C8orf34: variants seen among roughly 807,000 people sequenced by gnomAD.
C8orf34 encodes uncharacterized protein C8orf34.
In C8orf34, 65 loss-of-function variants were observed where a neutral mutation model predicts 68.3. The ratio of observed to expected loss-of-function variants is 0.95; its 90% CI spans 0.78 to 1.17. C8orf34 has a LOEUF of 1.17. Ranked by LOEUF, C8orf34 falls within the 50% of genes most tolerant of loss-of-function variation. C8orf34 has a pLI of 0.00. For synonymous variants in C8orf34, 244 were observed against 241.2 expected, an observed-to-expected ratio of 1.01 and a Z score of -0.11; for missense variants, 664 against 655.4, an observed-to-expected ratio of 1.01 and a Z score of -0.14.
intron 3 of C8orf34, among the ~76,000 whole-genome samples, chr8:68,451,340 T>C (rs1263371388): frequency 1.3e-5 from 2 of 152,188 alleles, no homozygotes; most frequent in African/African-American, 2.4e-5. Flanking sequence ...ATAGCACTTA[T>C]AATTTTCTTC....
At chr8:68,815,359 T>C (rs537495580) in intron 12 of C8orf34, among the ~76,000 whole-genome samples, 6 of 152,234 alleles carry the variant, frequency 3.9e-5, no homozygotes, top group Non-Finnish European at 7.4e-5. Flanking sequence ...CACACATATA[T>C]ATATATACAC....
chr8:68,649,711 G>A (rs1405302939), intron 8 of C8orf34, among the ~76,000 whole-genome samples: 1 of 151,998 alleles, frequency 6.6e-6, no homozygotes, highest in Non-Finnish European at 1.5e-5. Context: ...GGGGAGGGAG[G>A]GCCTTTTATG....
At chr8:68,460,226 C>T (rs1011925089) in intron 3 of C8orf34, among the ~76,000 whole-genome samples, 60 of 152,284 alleles carry the variant, frequency 3.9e-4, no homozygotes, top group African/African-American at 6.7e-4. Context: ...AAGGCAGCAG[C>T]GAGGCTGGGG....
chr8:68,523,686 C>G (rs1814852664), intron 6 of C8orf34, among the ~76,000 whole-genome samples: 1 of 151,886 alleles, frequency 6.6e-6, no homozygotes, highest in African/African-American at 2.4e-5. Flanking sequence ...TCTCCATCTT[C>G]TAATACAAAA....
intron 10 of C8orf34, among the ~76,000 whole-genome samples, chr8:68,752,298 C>T (rs1585830061): frequency 6.6e-6 from 1 of 152,156 alleles, no homozygotes; most frequent in South Asian, 2.1e-4. Context: ...GAGCCAACAA[C>T]TCCTTAAACT....
At chr8:68,366,791 A>T (rs2129619597) in intron 1 of C8orf34, among the ~76,000 whole-genome samples, 1 of 147,652 alleles carries the variant, frequency 6.8e-6, no homozygotes, top group Non-Finnish European at 1.5e-5. Context: ...AAACCATAAA[A>T]ACCCTAGAAG....
chr8:68,672,071 G>T (rs1035238088), intron 8 of C8orf34, among the ~76,000 whole-genome samples: 4 of 152,148 alleles, frequency 2.6e-5, no homozygotes, highest in African/African-American at 4.8e-5. Flanking sequence ...AATACCCAGA[G>T]AAAGGAGTAG....
intron 7 of C8orf34, among the ~76,000 whole-genome samples, chr8:68,619,723 T>C (rs1818331820): frequency 6.6e-6 from 1 of 152,162 alleles, no homozygotes; most frequent in Non-Finnish European, 1.5e-5. Context: ...TTTGGAATTT[T>C]CCTAATTCCA....
intron 3 of C8orf34, among the ~76,000 whole-genome samples, chr8:68,448,304 T>C (rs1811204561): frequency 6.6e-6 from 1 of 152,138 alleles, no homozygotes; most frequent in South Asian, 2.1e-4. Flanking sequence ...CACTAGACTG[T>C]TACCAAGCTT....
intron 10 of C8orf34, among the ~76,000 whole-genome samples, chr8:68,758,210 C>T (rs10110245): frequency 0.44 from 67,343 of 152,082 alleles, 16,192 homozygotes; most frequent in African/African-American, 0.63. Flanking sequence ...GCTAGGACAG[C>T]AGCAAAGAAG....
At chr8:68,591,958 C>T (rs572623336) in intron 7 of C8orf34, among the ~76,000 whole-genome samples, 2 of 152,186 alleles carry the variant, frequency 1.3e-5, no homozygotes, top group South Asian at 4.1e-4. Flanking sequence ...TATATATGCA[C>T]TGGGTGACAT....
chr8:68,669,430 A>G (rs1819941293), intron 8 of C8orf34, among the ~76,000 whole-genome samples: 1 of 152,216 alleles, frequency 6.6e-6, no homozygotes, highest in African/African-American at 2.4e-5. Context: ...ATTAGTAACA[A>G]CATATTCATA....
chr8:68,683,064 A>G (rs1202182779), intron 8 of C8orf34, among the ~76,000 whole-genome samples: 3 of 151,934 alleles, frequency 2.0e-5, no homozygotes, highest in Non-Finnish European at 2.9e-5. Context: ...TAAGCTTTTG[A>G]GTTTCGTCAT....
intron 5 of C8orf34, among the ~76,000 whole-genome samples, chr8:68,510,899 G>A (rs74830774): frequency 0.06 from 9,107 of 152,054 alleles, 288 homozygotes; most frequent in Middle Eastern, 0.12. Flanking sequence ...GGATCTCCTC[G>A]GCCTGTTAGA....
intron 8 of C8orf34, among the ~76,000 whole-genome samples, chr8:68,708,471 G>C (rs1351569397): frequency 3.9e-5 from 6 of 152,190 alleles, no homozygotes; most frequent in Non-Finnish European, 8.8e-5. Context: ...AGAAGGCTCA[G>C]TGTCTATGAG....
intron 10 of C8orf34, among the ~76,000 whole-genome samples, chr8:68,738,914 G>T (rs756509647): frequency 1.3e-4 from 20 of 151,932 alleles, no homozygotes; most frequent in Non-Finnish European, 2.8e-4. Context: ...ATGAGGAGGG[G>T]CTCCTCCCTA....
intron 8 of C8orf34, among the ~76,000 whole-genome samples, chr8:68,660,908 GA>G (rs781462827): frequency 9.9e-5 from 15 of 151,654 alleles, no homozygotes; most frequent in East Asian, 5.9e-4. Flanking sequence ...AAAGGGGGGG[GA>G]AAAACAACAG....
chr8:68,755,518 CAGTTGT>C, intron 10 of C8orf34, among the ~76,000 whole-genome samples: 1 of 152,298 alleles, frequency 6.6e-6, no homozygotes, highest in South Asian at 2.1e-4. Flanking sequence ...ACCAATTTTA[CAGTTGT>C]AGAAACTGCT....
chr8:68,381,878 A>C (rs1808057680), intron 1 of C8orf34, among the ~76,000 whole-genome samples: 5 of 152,206 alleles, frequency 3.3e-5, no homozygotes. Context: ...AATAATCAAG[A>C]AAAATGTAAA....
Sources: allele counts gnomAD v4.1 joint callset (sites outside exome capture counted in the v4.1 genomes callset), GRCh38; gene constraint gnomAD v4.1.1; transcripts MANE v1.5; gene names NCBI Gene and HGNC (gene_info 2026-07-23, HGNC 2026-07-21).